Variants in NYX observed in about 807,000 individuals in gnomAD.
NYX encodes the protein nyctalopin.
For missense variants in NYX, 481 were observed against 485.4 expected (o/e 0.99, Z 0.09); for synonymous variants, 258 against 245.7 (o/e 1.05, Z -0.47).
intron 2 of NYX, among the ~76,000 whole-genome samples, chrX:41,464,094 C>T (rs1175290171): frequency 1.8e-5 from 2 of 109,720 alleles, no homozygotes; most frequent in African/African-American, 6.6e-5. Flanking sequence ...AGAGAGAATT[C>T]TAGGTTGCCA....
intron 2 of NYX, among the ~76,000 whole-genome samples, chrX:41,464,816 T>C (rs1296683005): frequency 9.1e-6 from 1 of 110,206 alleles, no homozygotes; most frequent in African/African-American, 3.3e-5. Context: ...ACATGTATAT[T>C]AGTCTAATTG....
rs1345551293 is a variant in NYX at position 41,474,849 on chromosome X, C to T, written c.1381C>T (p.Leu461Phe). ...RQPWFLLASC[L>F]LPSVAQHVVF... ...GCCCTGGTTTCTCCTCGCCTCTTGT[C>T]TCCTGCCCAGCGTGGCCCAGCACGT... Residue 461 changes from leucine (L) to phenylalanine (F), a missense_variant, in exon 3 of 3, where the codon CTC becomes TTC. Leu to Phe is a conservative substitution (Grantham distance 22). Coordinates refer to ENST00000378220, the MANE Select transcript of NYX (RefSeq NM_001378477.3). The T allele has an allele frequency of 2.5e-6, 3 of 1,207,554 alleles. No individual in the cohort carries two copies. In the South Asian group the frequency reaches 5.4e-5, roughly 22 times the overall value.
chrX:41,466,411 G>A (rs1457020937), intron 2 of NYX, among the ~76,000 whole-genome samples: 1 of 109,848 alleles, frequency 9.1e-6, no homozygotes, highest in East Asian at 2.8e-4. Flanking sequence ...ACGGAGAGAA[G>A]AGACCCTGTC....
chrX:41,457,372 T>C (rs895200888), intron 2 of NYX, among the ~76,000 whole-genome samples: 3 of 106,570 alleles, frequency 2.8e-5, no homozygotes, highest in African/African-American at 6.9e-5. Flanking sequence ...GAGAACACAG[T>C]GAGAAGACAA....
Position 41,475,541 on chromosome X carries a change from G to A in NYX, c.*642G>A, listed in dbSNP as rs1295365323. The A allele has an allele frequency of 9.0e-6, 1 of 111,066 alleles. No homozygotes were observed. Among genetic ancestry groups the A allele is most frequent in the East Asian group, 2.8e-4 (1 of 3,573 alleles). The allele number at this position is 111,066 out of a possible 1,213,427, so 9.2% of individuals were successfully genotyped here. Reference sequence around the variant, plus strand: ...TCCCAGGGCTGGCCCTAGCCACAAAGGAACTTTAGGGCAGGGTAGGGAAAA... The same window carrying A: ...TCCCAGGGCTGGCCCTAGCCACAAAAGAACTTTAGGGCAGGGTAGGGAAAA... On this transcript the variant is annotated 3_prime_UTR_variant, in exon 3 of 3. Coordinates refer to ENST00000378220, the MANE Select transcript of NYX (RefSeq NM_001378477.3).
intron 2 of NYX, among the ~76,000 whole-genome samples, chrX:41,464,247 G>A (rs190857662): frequency 1.2e-3 from 127 of 109,842 alleles, no homozygotes; most frequent in African/African-American, 4.0e-3. Flanking sequence ...CTGGGCTTAA[G>A]CGATCCTCCC....
At chrX:41,454,000 C>T (rs984471215) in intron 2 of NYX, among the ~76,000 whole-genome samples, 8 of 112,574 alleles carry the variant, frequency 7.1e-5, no homozygotes, top group African/African-American at 2.3e-4. Flanking sequence ...CTTTATATCA[C>T]ACAGATGAAT....
intron 2 of NYX, among the ~76,000 whole-genome samples, chrX:41,473,013 G>A (rs745680020): frequency 8.1e-5 from 9 of 111,723 alleles, no homozygotes; most frequent in Non-Finnish European, 1.7e-4. Context: ...TGCTCAGGCT[G>A]GTGTGAACTC....
chrX:41,459,645 A>G lies in NYX; in HGVS notation c.22+11719A>G, dbSNP rs187833967. 7.2e-5 allele frequency among the ~76,000 whole-genome samples: 8 copies of G among 111,012 alleles called. No individual in the cohort carries two copies. The Admixed American group carries it at 7.7e-4, about 11-fold the overall frequency. On this transcript the variant is annotated intron_variant, in intron 2 of 2. Transcript: ENST00000378220. ...GGGAAAAAAAAAGAAAAGAAAAAAG[A>G]AAACAAAAAGTCATCGTATAGTATG...
chrX:41,464,370 C>T (rs1447040186), intron 2 of NYX, among the ~76,000 whole-genome samples: 1 of 110,864 alleles, frequency 9.0e-6, no homozygotes, highest in Non-Finnish European at 1.9e-5. Flanking sequence ...AACTCCTGGG[C>T]TCAAGCGATC....
intron 2 of NYX, among the ~76,000 whole-genome samples, chrX:41,450,648 ATTT>A (rs143136288): frequency 3.5e-5 from 3 of 85,579 alleles, no homozygotes; most frequent in Non-Finnish European, 2.3e-5. Context: ...GAATGGCTAC[ATTT>A]TTTTTTTTTT....
intron 2 of NYX, among the ~76,000 whole-genome samples, chrX:41,465,449 C>T (rs990585453): frequency 1.8e-5 from 2 of 109,719 alleles, no homozygotes; most frequent in Non-Finnish European, 3.8e-5. Flanking sequence ...ATGGTCTTCA[C>T]TCCTGAGGCA....
chrX:41,461,964 G>T (rs2064321798), intron 2 of NYX, among the ~76,000 whole-genome samples: 1 of 110,445 alleles, frequency 9.1e-6, no homozygotes, highest in Non-Finnish European at 1.9e-5. Flanking sequence ...ACCACGCCTG[G>T]CTAATTTTTG....
rs754907887 is a variant in NYX, at chrX:41,474,936, T to C, written c.*37T>C. ...GGGGGAAAGTTTGCTTAACTGGGCT[T>C]GAGTGTGTTTGTGGTAAGGGGAGAG... On this transcript the variant is annotated 3_prime_UTR_variant, in exon 3 of 3. Coordinates refer to ENST00000378220, the MANE Select transcript of NYX (RefSeq NM_001378477.3). 3.6e-6 allele frequency: 4 copies of C among 1,109,932 alleles called. No homozygotes were observed. The South Asian group carries it at 7.7e-5, about 21-fold the overall frequency. 91.5% of individuals were successfully genotyped at this position (1,109,932 alleles called of 1,213,427 possible). A position where few individuals can be genotyped will look rare whatever the true frequency, so the allele number is the denominator to read the frequency against.
Position 41,450,893 on chromosome X carries a change from C to T in NYX, c.22+2967C>T, listed in dbSNP as rs773749647. On this transcript the variant is annotated intron_variant, in intron 2 of 2. Coordinates refer to ENST00000378220, the MANE Select transcript of NYX (RefSeq NM_001378477.3). Reference sequence around the variant, plus strand: ...TAGAGAGGGGGTTTCGCCATGTTGGCCAGGCTGGTCTTGAACTCCTGACCT... The same window carrying T: ...TAGAGAGGGGGTTTCGCCATGTTGGTCAGGCTGGTCTTGAACTCCTGACCT... 5.1e-5 allele frequency among the ~76,000 whole-genome samples: 5 copies of T among 97,147 alleles called. No homozygotes were observed. In the South Asian group the frequency reaches 2.5e-3, roughly 48 times the overall value. The allele number at this position is 97,147 out of a possible 115,157, so 84.4% of individuals were successfully genotyped here.
chrX:41,470,174 T>C (rs2064353860), intron 2 of NYX, among the ~76,000 whole-genome samples: 1 of 109,230 alleles, frequency 9.2e-6, no homozygotes, highest in Non-Finnish European at 1.9e-5. Flanking sequence ...TCCCTAATTC[T>C]CCCTCCTCCT....
At chrX:41,457,418 G>A (rs758498842) in intron 2 of NYX, among the ~76,000 whole-genome samples, 9 of 110,171 alleles carry the variant, frequency 8.2e-5, no homozygotes, top group African/African-American at 2.6e-4. Flanking sequence ...CTTGGCAGAC[G>A]CAGAATCTGC....
At chrX:41,452,130 C>A (rs1304625978) in intron 2 of NYX, among the ~76,000 whole-genome samples, 2 of 110,226 alleles carry the variant, frequency 1.8e-5, no homozygotes, top group Non-Finnish European at 3.8e-5. Context: ...CACCACCATG[C>A]CTGGCTAATT....
At chrX:41,450,646 AC>A (rs1255127109) in intron 2 of NYX, among the ~76,000 whole-genome samples, 1 of 80,765 alleles carries the variant, frequency 1.2e-5, no homozygotes, top group African/African-American at 5.3e-5. Context: ...TAGAATGGCT[AC>A]ATTTTTTTTT....
Sources: gnomAD v4.1 joint callset for allele counts (sites outside exome capture counted in the v4.1 genomes callset) on GRCh38, gnomAD v4.1.1 for gene constraint, MANE v1.5 for transcripts, NCBI Gene and HGNC (gene_info 2026-07-23, HGNC 2026-07-21) for gene names.